The following GRIP1 variants were observed in gnomAD, a reference collection of about 807,000 sequenced individuals.
GRIP1 encodes the protein glutamate receptor interacting protein 1, also known as glutamate receptor-interacting protein 1.
In GRIP1, 45 loss-of-function variants were observed where a neutral mutation model predicts 129.9. That is an observed-to-expected ratio of 0.35 (90% CI 0.27 to 0.44). GRIP1 has a LOEUF of 0.44. Among genes scored for constraint, GRIP1 ranks in the 20% least tolerant of loss-of-function variants. The probability of loss-of-function intolerance (pLI) is 1.00; values close to 1 mark genes in which losing one functional copy is unlikely to be tolerated. For synonymous variants in GRIP1, 530 were observed against 520.8 expected (o/e 1.02, Z -0.24); for missense variants, 1,196 against 1,396.8 (o/e 0.86, Z 2.29).
At chr12:66,770,166 G>A (rs754613391) in intron 1 of GRIP1, among the ~76,000 whole-genome samples, 10 of 152,176 alleles carry the variant, frequency 6.6e-5, no homozygotes, top group African/African-American at 1.9e-4. Flanking sequence ...GCAAGTGTTC[G>A]ATAAATGTGA....
intron 2 of GRIP1, among the ~76,000 whole-genome samples, chr12:66,560,258 G>T (rs1390280548): frequency 2.6e-5 from 4 of 152,016 alleles, no homozygotes; most frequent in Non-Finnish European, 5.9e-5. Flanking sequence ...CATTGATTTG[G>T]GCAAAAATTT....
chr12:67,002,728 C>G (rs908834361), intron 1 of GRIP1, among the ~76,000 whole-genome samples: 2 of 152,140 alleles, frequency 1.3e-5, no homozygotes, highest in African/African-American at 4.8e-5. Context: ...TAGAATTACA[C>G]CATGGTTTTC....
At chr12:66,492,773 G>A (rs1313219981) in intron 7 of GRIP1, among the ~76,000 whole-genome samples, 1 of 152,168 alleles carries the variant, frequency 6.6e-6, no homozygotes, top group African/African-American at 2.4e-5. Flanking sequence ...ACTTTGGGAG[G>A]CCAACGCGAG....
At chr12:66,477,755 C>A (rs1457891344) in intron 7 of GRIP1, among the ~76,000 whole-genome samples, 1 of 152,076 alleles carries the variant, frequency 6.6e-6, no homozygotes, top group Non-Finnish European at 1.5e-5. Context: ...CTTTGACAAA[C>A]CTGACTAAAA....
At chr12:66,895,261 G>GT (rs2040727122) in intron 1 of GRIP1, among the ~76,000 whole-genome samples, 9 of 152,072 alleles carry the variant, frequency 5.9e-5, no homozygotes, top group Admixed American at 5.9e-4. Flanking sequence ...CAAGGGGGTG[G>GT]GTTTTTCCCA....
At chr12:66,382,082 C>G (rs984170573) in intron 19 of GRIP1, among the ~76,000 whole-genome samples, 3 of 152,206 alleles carry the variant, frequency 2.0e-5, no homozygotes, top group Admixed American at 6.5e-5. Context: ...ATCCCAAACC[C>G]CTCAAAATTA....
chr12:67,044,089 T>G (rs2043218696), intron 1 of GRIP1, among the ~76,000 whole-genome samples: 1 of 152,142 alleles, frequency 6.6e-6, no homozygotes, highest in Admixed American at 6.5e-5. Context: ...AATATTCAGT[T>G]TTAAAAGAAC....
intron 1 of GRIP1, among the ~76,000 whole-genome samples, chr12:67,048,847 C>T (rs1020410671): frequency 2.0e-5 from 3 of 152,122 alleles, no homozygotes; most frequent in African/African-American, 7.2e-5. Flanking sequence ...CTTGCACCTC[C>T]TTGCCTTCCA....
intron 5 of GRIP1, among the ~76,000 whole-genome samples, chr12:66,525,408 A>G (rs2061192284): frequency 6.6e-6 from 1 of 152,222 alleles, no homozygotes; most frequent in Non-Finnish European, 1.5e-5. Context: ...TCCAGCATAT[A>G]AACAGAACCA....
intron 7 of GRIP1, among the ~76,000 whole-genome samples, chr12:66,480,926 A>T (rs1268188271): frequency 6.6e-6 from 1 of 152,228 alleles, no homozygotes; most frequent in East Asian, 1.9e-4. Context: ...TGGATTGAAG[A>T]CTTAAATGTA....
At chr12:66,468,786 G>T (rs1167146875) in intron 7 of GRIP1, among the ~76,000 whole-genome samples, 1 of 151,620 alleles carries the variant, frequency 6.6e-6, no homozygotes, top group East Asian at 1.9e-4. Context: ...TGTTCTGGTA[G>T]AAAGAAATGA....
At chr12:66,923,114 T>G (rs1420046904) in intron 1 of GRIP1, among the ~76,000 whole-genome samples, 1 of 152,160 alleles carries the variant, frequency 6.6e-6, no homozygotes, top group Non-Finnish European at 1.5e-5. Context: ...GACTAGTAGC[T>G]TGGGTTTACA....
intron 1 of GRIP1, among the ~76,000 whole-genome samples, chr12:66,798,006 A>C (rs2038749828): frequency 6.6e-6 from 1 of 152,192 alleles, no homozygotes; most frequent in South Asian, 2.1e-4. Context: ...TAATGACAGA[A>C]CTGAAGGAGA....
In GRIP1 at chr12:66,660,461, T is replaced by C. The variant is rs192429735; in HGVS notation, c.55+18389A>G. ...TCTAATTGATATTTAAATCAAGAAC[T>C]TATCCATCAGCTAATAACAAAGTAT... On this transcript the variant is annotated intron_variant, in intron 1 of 24. Coordinates refer to ENST00000359742, the MANE Select transcript of GRIP1 (RefSeq NM_001366722.1). Among the ~76,000 whole-genome samples the C allele has an allele frequency of 2.0e-5, 3 of 152,288 alleles. No homozygotes were observed. The East Asian group carries it at 5.8e-4, about 29-fold the overall frequency.
At chr12:66,617,923 T>C (rs2065115033) in intron 1 of GRIP1, among the ~76,000 whole-genome samples, 1 of 151,994 alleles carries the variant, frequency 6.6e-6, no homozygotes, top group Admixed American at 6.6e-5. Flanking sequence ...CAGGTGGGAA[T>C]ATGATCTGAT....
chr12:66,975,487 G>A (rs2137594215), intron 1 of GRIP1, among the ~76,000 whole-genome samples: 1 of 152,260 alleles, frequency 6.6e-6, no homozygotes, highest in Middle Eastern at 3.4e-3. Flanking sequence ...CAGGTTTTAT[G>A]CAACTATTAA....
intron 23 of GRIP1, among the ~76,000 whole-genome samples, chr12:66,370,055 C>T (rs2055399401): frequency 6.6e-6 from 1 of 152,194 alleles, no homozygotes; most frequent in Non-Finnish European, 1.5e-5. Flanking sequence ...AGAATATTTG[C>T]ATCCCCTCCC....
chr12:66,798,335 A>C (rs889521960), intron 1 of GRIP1, among the ~76,000 whole-genome samples: 1 of 152,188 alleles, frequency 6.6e-6, no homozygotes, highest in African/African-American at 2.4e-5. Flanking sequence ...TGTGAATAAA[A>C]AGGAGGCATG....
intron 1 of GRIP1, among the ~76,000 whole-genome samples, chr12:66,923,217 A>G (rs1407959594): frequency 6.6e-6 from 1 of 152,156 alleles, no homozygotes; most frequent in Non-Finnish European, 1.5e-5. Context: ...ACAGTGGCAC[A>G]TTCCTGTAAT....
Sources: gnomAD v4.1 joint callset for allele counts (sites outside exome capture counted in the v4.1 genomes callset) on GRCh38, gnomAD v4.1.1 for gene constraint, MANE v1.5 for transcripts, NCBI Gene and HGNC (gene_info 2026-07-23, HGNC 2026-07-21) for gene names.